COL21A1: variants seen among roughly 807,000 people sequenced by gnomAD.
The protein encoded by COL21A1 is collagen alpha-1(XXI) chain.
Under a neutral mutation model 137.9 loss-of-function variants are expected in COL21A1, and 149 were observed. The observed-to-expected ratio is 1.08, with a 90% confidence interval of 0.95 to 1.24. COL21A1 has a LOEUF of 1.24. COL21A1 is among the 50% of genes most tolerant of loss of function. COL21A1 has a pLI of 0.00. For synonymous variants in COL21A1, 456 were observed against 391.5 expected (o/e 1.16, Z -1.95); for missense variants, 1,167 against 1,158.4 (o/e 1.01, Z -0.11).
intron 1 of COL21A1, among the ~76,000 whole-genome samples, chr6:56,340,713 C>T (rs1765447886): frequency 6.6e-6 from 1 of 152,258 alleles, no homozygotes; most frequent in African/African-American, 2.4e-5. Flanking sequence ...TAACAATGAA[C>T]GACGTTTTCC....
chr6:56,134,013 G>A (rs149714205), intron 12 of COL21A1, among the ~76,000 whole-genome samples: 303 of 152,346 alleles, frequency 2.0e-3, no homozygotes, highest in African/African-American at 7.0e-3. Flanking sequence ...GGAGCCCCCA[G>A]AGTCCCTACT....
intron 1 of COL21A1, among the ~76,000 whole-genome samples, chr6:56,237,915 T>G (rs533037879): frequency 5.4e-4 from 82 of 152,238 alleles, no homozygotes; most frequent in South Asian, 6.2e-4. Context: ...ACAGCTGTAT[T>G]CTATAAAGCC....
intron 1 of COL21A1, among the ~76,000 whole-genome samples, chr6:56,258,151 T>C (rs1184989037): frequency 6.6e-6 from 1 of 152,192 alleles, no homozygotes; most frequent in Non-Finnish European, 1.5e-5. Flanking sequence ...CTCAGAAACT[T>C]TGGAGTTTCT....
At chr6:56,295,917 T>C (rs547513484) in intron 1 of COL21A1, among the ~76,000 whole-genome samples, 3 of 151,928 alleles carry the variant, frequency 2.0e-5, no homozygotes, top group Non-Finnish European at 2.9e-5. Flanking sequence ...TTGGTATACC[T>C]TTGATTTACT....
intron 1 of COL21A1, among the ~76,000 whole-genome samples, chr6:56,374,176 T>C (rs562176501): frequency 6.6e-6 from 1 of 152,230 alleles, no homozygotes; most frequent in Non-Finnish European, 1.5e-5. Context: ...TCCATTTCTA[T>C]GGCTAAGGAT....
At chr6:56,137,816 C>T (rs1322199351) in intron 12 of COL21A1, among the ~76,000 whole-genome samples, 2 of 152,060 alleles carry the variant, frequency 1.3e-5, no homozygotes, top group African/African-American at 4.8e-5. Flanking sequence ...TCATAATAAA[C>T]TAAGATGTTA....
At chr6:56,337,375 G>A (rs1248889234) in intron 1 of COL21A1, among the ~76,000 whole-genome samples, 1 of 152,188 alleles carries the variant, frequency 6.6e-6, no homozygotes, top group Non-Finnish European at 1.5e-5. Context: ...ATTCCTCTGA[G>A]AATAAATTAT....
intron 1 of COL21A1, among the ~76,000 whole-genome samples, chr6:56,284,610 C>G (rs879563262): frequency 5.3e-5 from 8 of 152,102 alleles, no homozygotes; most frequent in Non-Finnish European, 1.0e-4. Flanking sequence ...CCCATCCACG[C>G]CCTCCACCCA....
intron 1 of COL21A1, among the ~76,000 whole-genome samples, chr6:56,346,259 A>G (rs888228166): frequency 6.6e-6 from 1 of 152,300 alleles, no homozygotes; most frequent in Non-Finnish European, 1.5e-5. Flanking sequence ...TGATACTCTG[A>G]CTTCTAATCC....
At chr6:56,270,983 G>T (rs1763511606) in intron 1 of COL21A1, among the ~76,000 whole-genome samples, 1 of 152,140 alleles carries the variant, frequency 6.6e-6, no homozygotes, top group Non-Finnish European at 1.5e-5. Flanking sequence ...GACTAATACA[G>T]GAAATTTGTA....
intron 9 of COL21A1, among the ~76,000 whole-genome samples, chr6:56,161,124 C>A (rs1176350468): frequency 1.3e-5 from 2 of 152,152 alleles, no homozygotes; most frequent in African/African-American, 4.8e-5. Context: ...CAGAGGGTAC[C>A]TTGATAGTCC....
At chr6:56,209,722 T>A (rs889316337) in intron 1 of COL21A1, among the ~76,000 whole-genome samples, 5 of 152,174 alleles carry the variant, frequency 3.3e-5, no homozygotes, top group African/African-American at 7.2e-5. Flanking sequence ...AGTGTGGCGA[T>A]TCCTCAAGGA....
At chr6:56,123,751 A>G (rs1355002932) in intron 16 of COL21A1, among the ~76,000 whole-genome samples, 1 of 152,202 alleles carries the variant, frequency 6.6e-6, no homozygotes, top group African/African-American at 2.4e-5. Context: ...AGCCCACTGA[A>G]ACCTCAATCT....
At chr6:56,182,341 T>C (rs9475591) in intron 2 of COL21A1, among the ~76,000 whole-genome samples, 190 bp downstream of exon 2, 3,291 of 152,256 alleles carry the variant, frequency 0.022, 120 homozygotes, top group African/African-American at 0.075. Context: ...CATAGAGTCA[T>C]CTCAAAATTA....
Position 56,122,438 on chromosome 6 carries a change from G to T in COL21A1, c.1758+1624C>A, listed in dbSNP as rs559563588. On this transcript the variant is annotated intron_variant, in intron 16 of 29. Coordinates refer to ENST00000244728, the MANE Select transcript of COL21A1 (RefSeq NM_030820.4). ...TGCCATTCTCCTGCCTCAGCCTCCC[G>T]AGTAGCTGGGACTACAGGCGTCCAC... Among the ~76,000 whole-genome samples the T allele has an allele frequency of 2.6e-5, 4 of 151,856 alleles. No individual in the cohort carries two copies. In the South Asian group the frequency reaches 8.3e-4, roughly 32 times the overall value.
chr6:56,137,226 C>A (rs1774068228), intron 12 of COL21A1, among the ~76,000 whole-genome samples: 1 of 152,098 alleles, frequency 6.6e-6, no homozygotes, highest in South Asian at 2.1e-4. Context: ...ACTAATCCCA[C>A]AGGACTTTTT....
At chr6:56,314,743 C>A (rs145867740) in intron 1 of COL21A1, among the ~76,000 whole-genome samples, 1 of 152,082 alleles carries the variant, frequency 6.6e-6, no homozygotes, top group African/African-American at 2.4e-5. Context: ...GATTTTCCCA[C>A]GAGAAGAAAT....
chr6:56,110,554 T>A (rs904246694), intron 16 of COL21A1, among the ~76,000 whole-genome samples: 1 of 151,930 alleles, frequency 6.6e-6, no homozygotes, highest in Non-Finnish European at 1.5e-5. Context: ...ACTGTCTTTA[T>A]TTGTAGTCAA....
chr6:56,377,355 C>T (rs948494065), intron 1 of COL21A1, among the ~76,000 whole-genome samples: 9 of 152,100 alleles, frequency 5.9e-5, no homozygotes, highest in Admixed American at 1.3e-4. Context: ...TCCCCTCTCC[C>T]CCATTTTCCC....
Sources: gnomAD v4.1 joint callset for allele counts (sites outside exome capture counted in the v4.1 genomes callset) on GRCh38, gnomAD v4.1.1 for gene constraint, MANE v1.5 for transcripts, NCBI Gene and HGNC (gene_info 2026-07-23, HGNC 2026-07-21) for gene names.